The following MAST4 variants were observed in gnomAD, a reference collection of about 807,000 sequenced individuals.
The protein encoded by MAST4 is microtubule associated serine/threonine kinase family member 4.
A neutral mutation model predicts 162.7 loss-of-function variants in MAST4; 89 were observed. The ratio of observed to expected loss-of-function variants is 0.55; its 90% CI spans 0.46 to 0.65. MAST4 has a LOEUF of 0.65. Ranked by LOEUF, MAST4 falls within the 30% of genes least tolerant of loss-of-function variation. The probability of loss-of-function intolerance (pLI) is 0.00; values close to 1 mark genes in which losing one functional copy is unlikely to be tolerated. For missense variants in MAST4, 3,153 were observed against 3,374.0 expected, an observed-to-expected ratio of 0.93 and a Z score of 1.62; for synonymous variants, 1,479 against 1,361.1, an observed-to-expected ratio of 1.09 and a Z score of -1.91.
intron 1 of MAST4, among the ~76,000 whole-genome samples, chr5:66,754,518 A>T (rs1035101000): frequency 6.6e-6 from 1 of 152,234 alleles, no homozygotes; most frequent in Non-Finnish European, 1.5e-5. Flanking sequence ...TTCAATAATT[A>T]AAGCCCTTTA....
intron 9 of MAST4, among the ~76,000 whole-genome samples, chr5:67,104,099 C>G (rs1329544412): frequency 6.6e-6 from 1 of 152,128 alleles, no homozygotes; most frequent in African/African-American, 2.4e-5. Context: ...TCCCATGTAC[C>G]TGGGAAGGCT....
intron 3 of MAST4, among the ~76,000 whole-genome samples, chr5:66,889,492 T>C (rs1171282445): frequency 6.6e-6 from 1 of 152,222 alleles, no homozygotes; most frequent in Non-Finnish European, 1.5e-5. Flanking sequence ...CTCCTTCTGC[T>C]AAAGTAATTT....
chr5:66,817,019 G>C (rs1580524433), intron 3 of MAST4, among the ~76,000 whole-genome samples: 3 of 152,122 alleles, frequency 2.0e-5, no homozygotes, highest in Non-Finnish European at 4.4e-5. Context: ...ACCCTTCTGA[G>C]TTATTCCCTT....
At chr5:66,993,920 A>ACCCCCCCC (rs55759396) in intron 4 of MAST4, among the ~76,000 whole-genome samples, 29 of 57,680 alleles carry the variant, frequency 5.0e-4, no homozygotes, top group South Asian at 8.9e-4. Flanking sequence ...TGTGCAGAAG[A>ACCCCCCCC]CCCCCCCCCC....
At chr5:66,656,501 C>T (rs1032610022) in intron 1 of MAST4, among the ~76,000 whole-genome samples, 5 of 152,058 alleles carry the variant, frequency 3.3e-5, no homozygotes, top group African/African-American at 1.2e-4. Context: ...TATGTCTCAC[C>T]CATCAGTCAC....
intron 1 of MAST4, among the ~76,000 whole-genome samples, chr5:66,751,149 T>G (rs1044627010): frequency 1.5e-4 from 23 of 151,860 alleles, no homozygotes; most frequent in Non-Finnish European, 2.6e-4. Flanking sequence ...CATCTGTACA[T>G]CACCATCATC....
At chr5:66,629,833 T>C (rs1402857224) in intron 1 of MAST4, among the ~76,000 whole-genome samples, 6 of 152,210 alleles carry the variant, frequency 3.9e-5, no homozygotes, top group Admixed American at 3.9e-4. Flanking sequence ...TGAATAGGAA[T>C]ATAGTTTTAT....
chr5:67,061,533 G>A (rs1035200044), intron 5 of MAST4, among the ~76,000 whole-genome samples: 1 of 150,460 alleles, frequency 6.6e-6, no homozygotes, highest in African/African-American at 2.4e-5. Flanking sequence ...TTTACTAATA[G>A]AAGTTATTAT....
intron 3 of MAST4, chr5:66,870,797 G>A (rs1298746850): frequency 2.1e-6 from 1 of 471,398 alleles, no homozygotes. Context: ...CCTCCGAAGA[G>A]CCATTTCAAC....
chr5:67,114,369 A>T (rs759208498), intron 12 of MAST4, 150 bp downstream of exon 12: 2 of 937,982 alleles, frequency 2.1e-6, no homozygotes, highest in Non-Finnish European at 3.1e-6. Context: ...ATTTGAAGGA[A>T]ATAGCCATAA....
chr5:66,930,801 T>C (rs1742111085), intron 4 of MAST4: 3 of 470,786 alleles, frequency 6.4e-6, no homozygotes, highest in Middle Eastern at 3.3e-4. Flanking sequence ...TAAGAATGGG[T>C]GTGCCTGCTT....
At chr5:66,928,543 A>C (rs191122667) in intron 4 of MAST4, among the ~76,000 whole-genome samples, 130 of 152,318 alleles carry the variant, frequency 8.5e-4, no homozygotes, top group Middle Eastern at 3.4e-3. Flanking sequence ...TTCCACTTTC[A>C]ATAATGGCAA....
intron 4 of MAST4, among the ~76,000 whole-genome samples, chr5:67,012,468 C>T (rs1752807108): frequency 6.6e-6 from 1 of 152,286 alleles, no homozygotes; most frequent in East Asian, 1.9e-4. Flanking sequence ...GTCTTCACTA[C>T]CTGTAACTAG....
Position 67,118,704 on chromosome 5 carries a change from C to T in MAST4, c.1614C>T (p.Tyr538=), listed in dbSNP as rs745827180. The T allele has an allele frequency of 7.6e-6, 12 of 1,574,258 alleles. No homozygotes were observed. Among genetic ancestry groups the T allele is most frequent in the Admixed American group, 1.8e-5 (1 of 55,118 alleles). The change falls in exon 13 of 29, where the codon TAC becomes TAT. Residue 538 remains tyrosine, a synonymous_variant. Transcript: ENST00000403625. The part of the protein sequence containing the change: ...PLEEMAHLGN[Y]DSGTAETPET... ...TAGAAATGGCTCATTTGGGAAACTA[C>T]GATAGTGGGACAGCAGAAACACCAG...
At chr5:66,913,495 T>C (rs1008223913) in intron 4 of MAST4, among the ~76,000 whole-genome samples, 3 of 151,810 alleles carry the variant, frequency 2.0e-5, no homozygotes, top group Non-Finnish European at 2.9e-5. Flanking sequence ...TCCTATTGAA[T>C]GACTGTGTCA....
At chr5:66,877,490 C>A (rs1320979894) in intron 3 of MAST4, among the ~76,000 whole-genome samples, 1 of 152,180 alleles carries the variant, frequency 6.6e-6, no homozygotes, top group East Asian at 1.9e-4. Flanking sequence ...AGGATTCAAG[C>A]CCGATTACTC....
At chr5:66,998,929 C>G (rs761909356) in intron 4 of MAST4, among the ~76,000 whole-genome samples, 28 of 152,158 alleles carry the variant, frequency 1.8e-4, no homozygotes, top group Non-Finnish European at 3.7e-4. Context: ...ATGAAGGCTG[C>G]CTAAAGTGAC....
intron 2 of MAST4, among the ~76,000 whole-genome samples, chr5:66,788,340 T>A (rs965733406): frequency 6.6e-6 from 1 of 152,218 alleles, no homozygotes; most frequent in Non-Finnish European, 1.5e-5. Flanking sequence ...CGCTTACTTC[T>A]GTGATGCTGA....
At chr5:66,650,994 A>G (rs1188709159) in intron 1 of MAST4, among the ~76,000 whole-genome samples, 1 of 152,168 alleles carries the variant, frequency 6.6e-6, no homozygotes, top group Non-Finnish European at 1.5e-5. Context: ...GTGTGGCTAC[A>G]TGGAGGGTGA....
Sources: gnomAD v4.1 joint callset for allele counts (sites outside exome capture counted in the v4.1 genomes callset) on GRCh38, gnomAD v4.1.1 for gene constraint, MANE v1.5 for transcripts, NCBI Gene and HGNC (gene_info 2026-07-23, HGNC 2026-07-21) for gene names.